PRKAG2: variants seen among roughly 807,000 people sequenced by gnomAD.
PRKAG2 encodes the protein 5'-AMP-activated protein kinase subunit gamma-2.
In PRKAG2, 26 loss-of-function variants were observed where a neutral mutation model predicts 69.6. That is an observed-to-expected ratio of 0.37 (90% confidence interval 0.27 to 0.52). The LOEUF (loss-of-function observed/expected upper bound fraction) is 0.52. PRKAG2 is among the 20% of genes least tolerant of loss of function. PRKAG2 has a pLI of 0.90. For missense variants in PRKAG2, 557 were observed against 740.0 expected, an observed-to-expected ratio of 0.75 and a Z score of 2.87; for synonymous variants, 293 against 285.0, an observed-to-expected ratio of 1.03 and a Z score of -0.28.
intron 15 of PRKAG2, chr7:151,558,986 C>T (rs1355980084): frequency 1.0e-6 from 1 of 985,472 alleles, no homozygotes; most frequent in Non-Finnish European, 1.2e-6. Flanking sequence ...GCCTGACCCG[C>T]TGGGCAGACT....
chr7:151,797,728 T>C (rs186763040), intron 1 of PRKAG2, among the ~76,000 whole-genome samples: 149 of 152,324 alleles, frequency 9.8e-4, no homozygotes, highest in African/African-American at 3.3e-3. Context: ...TACCATGGAC[T>C]TAAAAAGCAA....
At chr7:151,821,713 C>G (rs544792599) in intron 1 of PRKAG2, among the ~76,000 whole-genome samples, 1 of 152,278 alleles carries the variant, frequency 6.6e-6, no homozygotes, top group South Asian at 2.1e-4. Context: ...AGAAAAATGC[C>G]TCTACTCACC....
intron 4 of PRKAG2, among the ~76,000 whole-genome samples, chr7:151,653,954 C>G (rs1828990135): frequency 2.0e-5 from 3 of 152,172 alleles, no homozygotes; most frequent in Admixed American, 2.0e-4. Context: ...TCAAAAGAGA[C>G]TGAACCCTAC....
In PRKAG2 at chr7:151,556,964, T is replaced by C. The variant is rs1381959738; in HGVS notation, c.*237A>G. On this transcript the variant is annotated 3_prime_UTR_variant, in exon 16 of 16. Coordinates refer to ENST00000287878, the MANE Select transcript of PRKAG2 (RefSeq NM_016203.4). ...CAGGACACAGTGCACTTTAATGACATACAGCATTTAAAATCCTTCAGACAA... is the reference window on the plus strand; with the variant it reads ...CAGGACACAGTGCACTTTAATGACACACAGCATTTAAAATCCTTCAGACAA... 2 of 584,048 alleles carry C rather than the reference T, an allele frequency of 3.4e-6. No individual in the cohort carries two copies. Among genetic ancestry groups the C allele is most frequent in the Non-Finnish European group, 5.9e-6 (2 of 336,806 alleles). The allele number at this position is 584,048 out of a possible 1,614,324, so 36.2% of individuals were successfully genotyped here. A position where few individuals can be genotyped will look rare whatever the true frequency, so the allele number is the denominator to read the frequency against.
chr7:151,655,463 C>T (rs569423837), intron 4 of PRKAG2, among the ~76,000 whole-genome samples: 1 of 152,264 alleles, frequency 6.6e-6, no homozygotes, highest in South Asian at 2.1e-4. Flanking sequence ...CTCTCTAGGA[C>T]TAAAACTCAG....
chr7:151,833,703 C>T (rs1263365893), intron 1 of PRKAG2, among the ~76,000 whole-genome samples: 1 of 152,228 alleles, frequency 6.6e-6, no homozygotes, highest in Non-Finnish European at 1.5e-5. Context: ...AATAACACTT[C>T]CCCTGTGATT....
intron 3 of PRKAG2, among the ~76,000 whole-genome samples, chr7:151,711,048 G>C (rs1795222202): frequency 6.6e-6 from 1 of 152,216 alleles, no homozygotes; most frequent in African/African-American, 2.4e-5. Flanking sequence ...TAGGCTTAGA[G>C]TACTGAGAGT....
chr7:151,800,948 G>C (rs1353665458), intron 1 of PRKAG2, among the ~76,000 whole-genome samples: 1 of 152,310 alleles, frequency 6.6e-6, no homozygotes, highest in African/African-American at 2.4e-5. Context: ...GGTCAGGGAG[G>C]GGCAGATGGG....
Position 151,568,798 on chromosome 7 carries a change from CTG to C in PRKAG2, c.1149_1150del (p.His383GlnfsTer6). 2 of 1,614,020 alleles carry C rather than the reference CTG, an allele frequency of 1.2e-6. No individual in the cohort carries two copies. Among genetic ancestry groups the C allele is most frequent in the Non-Finnish European group, 1.7e-6 (2 of 1,179,922 alleles). On this transcript the variant is annotated frameshift_variant, in exon 11 of 16. Transcript: ENST00000287878. LOFTEE classifies it high-confidence loss of function. ...ACTGATAGGGTCAATAACGGGCAATCTGTGGATTTTATTTTTGATCAAGGAGT... is the reference window on the plus strand; with the variant it reads ...ACTGATAGGGTCAATAACGGGCAATCTGGATTTTATTTTTGATCAAGGAGT...
rs1464641039 is a variant in PRKAG2, at chr7:151,850,270, C to T, written c.114+26237G>A. On this transcript the variant is annotated intron_variant, in intron 1 of 15. Transcript: ENST00000287878. The surrounding 1 kb of genome is among the most constrained non-coding windows in gnomAD (Gnocchi z 4.1). ...GAGAAACCTGGAGGTACAGTCCCCT[C>T]ACCTAGAACGCTTCTTGAGTGTTTA... 2.0e-5 allele frequency among the ~76,000 whole-genome samples: 3 copies of T among 152,238 alleles called. No individual in the cohort carries two copies. Among genetic ancestry groups the T allele is most frequent in the Non-Finnish European group, 2.9e-5 (2 of 68,044 alleles).
intron 1 of PRKAG2, among the ~76,000 whole-genome samples, chr7:151,810,985 C>T (rs1400223954): frequency 6.6e-6 from 1 of 152,044 alleles, no homozygotes; most frequent in Non-Finnish European, 1.5e-5. Context: ...CATGGGACCC[C>T]AGGTGGCGGA....
chr7:151,848,955 G>C (rs2079505341), intron 1 of PRKAG2, among the ~76,000 whole-genome samples: 1 of 152,248 alleles, frequency 6.6e-6, no homozygotes, highest in Non-Finnish European at 1.5e-5. Context: ...CAGGTGAGGA[G>C]AGTTGGGGAG....
intron 1 of PRKAG2, among the ~76,000 whole-genome samples, chr7:151,855,237 G>C (rs879077583): frequency 3.0e-4 from 5 of 16,828 alleles, no homozygotes; most frequent in Non-Finnish European, 4.2e-4. Flanking sequence ...CACACACACC[G>C]CCCTCCACAC....
intron 3 of PRKAG2, among the ~76,000 whole-genome samples, chr7:151,758,885 G>C (rs556892250): frequency 2.2e-4 from 34 of 152,330 alleles, no homozygotes; most frequent in African/African-American, 7.5e-4. Flanking sequence ...TAGCGGGCAA[G>C]ACTTGAAGGA....
chr7:151,824,998 G>A (rs1363633310), intron 1 of PRKAG2, among the ~76,000 whole-genome samples: 1 of 152,200 alleles, frequency 6.6e-6, no homozygotes, highest in Non-Finnish European at 1.5e-5. Context: ...CGGATCACGA[G>A]GTCAGGAGTT....
rs953334615 is a variant in PRKAG2 at position 151,771,236 on chromosome 7, C to T, written c.466+9916G>A. 3.3e-5 allele frequency among the ~76,000 whole-genome samples: 5 copies of T among 152,166 alleles called. No individual in the cohort carries two copies. The highest frequency in any genetic ancestry group is 2.0e-4 in the Admixed American group (3 of 15,280). On this transcript the variant is annotated intron_variant, in intron 3 of 15. Transcript: ENST00000287878. This position sits in a 1 kb window ranked among gnomAD's most constrained non-coding sequence, Gnocchi z 4.0. Reference sequence around the variant, plus strand: ...TATGCTTTTCCCTTAGCTAAAATTTCGATTTCCGCTTTACATTTTTGGCAT... The same window carrying T: ...TATGCTTTTCCCTTAGCTAAAATTTTGATTTCCGCTTTACATTTTTGGCAT...
At chr7:151,573,342 T>A (rs1185070833) in intron 8 of PRKAG2, among the ~76,000 whole-genome samples, 1 of 128,552 alleles carries the variant, frequency 7.8e-6, no homozygotes. Context: ...GGTTTTTTTT[T>A]TTTTTTTTTT....
chr7:151,766,849 C>T (rs1351138719), intron 3 of PRKAG2, among the ~76,000 whole-genome samples: 1 of 152,236 alleles, frequency 6.6e-6, no homozygotes, highest in Non-Finnish European at 1.5e-5. Flanking sequence ...TTCAGCACAT[C>T]AATCGTGGAG....
At chr7:151,744,611 G>A (rs564256968) in intron 3 of PRKAG2, among the ~76,000 whole-genome samples, 3 of 152,346 alleles carry the variant, frequency 2.0e-5, no homozygotes, top group Admixed American at 6.5e-5. Context: ...AAGCCACTTT[G>A]CATGTTATGT....
Sources: allele counts gnomAD v4.1 joint callset (sites outside exome capture counted in the v4.1 genomes callset), GRCh38; gene constraint gnomAD v4.1.1; non-coding constraint Gnocchi (gnomAD v3.1); transcripts MANE v1.5; gene names NCBI Gene and HGNC (gene_info 2026-07-23, HGNC 2026-07-21).